GFI1B: variants seen among roughly 807,000 people sequenced by gnomAD.
GFI1B encodes the protein zinc finger protein Gfi-1b.
Under a neutral mutation model 35.3 loss-of-function variants are expected in GFI1B, and 20 were observed. That is an observed-to-expected ratio of 0.57 (90% CI 0.40 to 0.82). The LOEUF is 0.82. Ranked by LOEUF, GFI1B falls within the 40% of genes least tolerant of loss-of-function variation. GFI1B has a pLI of 0.00. For missense variants in GFI1B, 430 were observed against 446.3 expected, an observed-to-expected ratio of 0.96 and a Z score of 0.33; for synonymous variants, 178 against 177.6, an observed-to-expected ratio of 1.00 and a Z score of -0.02.
At chr9:132,983,251 T>A (rs1263642456) in intron 1 of GFI1B, among the ~76,000 whole-genome samples, 2 of 139,790 alleles carry the variant, frequency 1.4e-5, no homozygotes, top group Admixed American at 1.6e-4. Flanking sequence ...TGAAGTGCAG[T>A]GGTGGTGTGA....
At chr9:132,955,225 C>T (rs1251532322) in intron 1 of GFI1B, among the ~76,000 whole-genome samples, 2 of 151,642 alleles carry the variant, frequency 1.3e-5, no homozygotes, top group African/African-American at 4.9e-5. Flanking sequence ...AGTATTTTAC[C>T]CTCATTTTTT....
exon 1 of GFI1B, chr9:132,945,631 T>A (rs961815674): frequency 6.5e-6 from 1 of 154,162 alleles, no homozygotes; most frequent in Non-Finnish European, 1.5e-5. Context: ...GAAGTCGAAC[T>A]GTGGGATATG....
chr9:132,953,570 C>T (rs1848234350), intron 1 of GFI1B: 1 of 151,450 alleles, frequency 6.6e-6, no homozygotes, highest in African/African-American at 2.4e-5. Context: ...AGGAGGATTG[C>T]TTGAGCCCGG....
At chr9:132,962,883 C>CAACGTGG (rs1848388360) in intron 1 of GFI1B, among the ~76,000 whole-genome samples, 1 of 139,450 alleles carries the variant, frequency 7.2e-6, no homozygotes, top group Non-Finnish European at 1.5e-5. Flanking sequence ...CCAGCCTAGC[C>CAACGTGG]AACGTGGTGA....
At chr9:132,974,352 C>T (rs982687892), upstream of GFI1B, among the ~76,000 whole-genome samples, 12 of 151,910 alleles carry the variant, frequency 7.9e-5, no homozygotes, top group African/African-American at 2.9e-4. Flanking sequence ...AATCCCAGCA[C>T]TTTGGGAGGC....
chr9:132,968,303 G>C (rs1349417676), intron 1 of GFI1B, among the ~76,000 whole-genome samples: 1 of 150,924 alleles, frequency 6.6e-6, no homozygotes, highest in East Asian at 1.9e-4. Context: ...TTTTTTTTTA[G>C]TAGAGACGAG....
chr9:132,987,425 C>T lies in GFI1B; in HGVS notation c.238+6C>T. ...CAGGATGGCCCCGGCACCAGGTACC[C>T]CGCTGTGACCCACTGTCATTCCCCA... On this transcript the variant is annotated splice_donor_region_variant and intron_variant, in intron 3 of 6. Transcript: ENST00000372122. The T allele has an allele frequency of 6.2e-7, 1 of 1,614,188 alleles. No homozygotes were observed. Among genetic ancestry groups the T allele is most frequent in the Non-Finnish European group, 8.5e-7 (1 of 1,180,008 alleles).
downstream of GFI1B, among the ~76,000 whole-genome samples, chr9:132,993,371 A>G (rs1160539953): frequency 6.6e-6 from 1 of 152,122 alleles, no homozygotes; most frequent in Non-Finnish European, 1.5e-5. Flanking sequence ...CCTCTAGCAG[A>G]GCACAGAAAG....
At chr9:132,971,984 A>AG (rs71376676) in intron 1 of GFI1B, among the ~76,000 whole-genome samples, 25,930 of 148,466 alleles carry the variant, frequency 0.17, 2,706 homozygotes, top group Non-Finnish European at 0.22. Context: ...AAAAAAAAAA[A>AG]AAAAATTGGG....
intron 1 of GFI1B, among the ~76,000 whole-genome samples, chr9:132,966,133 A>T (rs1246182219): frequency 6.6e-6 from 1 of 152,222 alleles, no homozygotes; most frequent in Admixed American, 6.5e-5. Context: ...TCAAGGCAGG[A>T]GAACCGCTGG....
In GFI1B at chr9:132,986,615, G is replaced by C. The variant is rs118082075; in HGVS notation, c.-20-44G>C. ...AGGTTCTGAGATATGGAGGGGTATT[G>C]TTCTCTTGTCCTTCCTAACCGCTCC... On this transcript the variant is annotated intron_variant, in intron 1 of 6. Coordinates refer to ENST00000372122, the MANE Select transcript of GFI1B (RefSeq NM_001377304.1). 867 of 966,164 alleles carry C rather than the reference G, an allele frequency of 9.0e-4. 3 individuals carry two copies. Among genetic ancestry groups the C allele is most frequent in the Non-Finnish European group, 1.3e-3 (802 of 610,494 alleles). The allele number at this position is 966,164 out of a possible 1,614,324, so 59.8% of individuals were successfully genotyped here.
chr9:132,972,126 A>G (rs1223478094), intron 1 of GFI1B, among the ~76,000 whole-genome samples: 1 of 152,114 alleles, frequency 6.6e-6, no homozygotes, highest in Non-Finnish European at 1.5e-5. Context: ...TTTTTAAAAA[A>G]TAATTAGCCA....
At chr9:132,988,538 T>G in intron 4 of GFI1B, 70 bp downstream of exon 4, 1 of 1,392,294 alleles carries the variant, frequency 7.2e-7, no homozygotes, top group Non-Finnish European at 1.0e-6. Context: ...CACTGGCAGC[T>G]CTGGGCGTTC....
At chr9:132,947,412 C>CAAAAAAAAAAAAA (rs35035214) in intron 1 of GFI1B, among the ~76,000 whole-genome samples, 3 of 95,992 alleles carry the variant, frequency 3.1e-5, no homozygotes, top group African/African-American at 4.9e-5. Context: ...TTTAATCGAG[C>CAAAAAAAAAAAAA]AAAAAAAAAA....
At chr9:132,967,484 A>G (rs973495787) in intron 1 of GFI1B, among the ~76,000 whole-genome samples, 1 of 152,230 alleles carries the variant, frequency 6.6e-6, no homozygotes. Flanking sequence ...AGCTAAAGAC[A>G]TAATACACTC....
intron 3 of GFI1B, 56 bp downstream of exon 3, chr9:132,987,475 G>A: frequency 2.5e-6 from 4 of 1,604,656 alleles, no homozygotes; most frequent in Non-Finnish European, 3.4e-6. Flanking sequence ...GAGGAAGGAT[G>A]AAGGGACTCT....
At chr9:132,964,463 C>T (rs1374718956) in intron 1 of GFI1B, among the ~76,000 whole-genome samples, 1 of 152,090 alleles carries the variant, frequency 6.6e-6, no homozygotes, top group Non-Finnish European at 1.5e-5. Context: ...TGAAAATTGT[C>T]TGAATCAATT....
chr9:132,990,751 G>T (rs1286339548), intron 6 of GFI1B, 121 bp from the exon 7 acceptor site: 7 of 807,338 alleles, frequency 8.7e-6, no homozygotes, highest in Non-Finnish European at 1.5e-5. Flanking sequence ...ATGTGAGTTG[G>T]CCATGAGAGA....
rs755412589 is a variant in GFI1B, at chr9:132,989,789, G to A, written c.696G>A (p.Ser232=). ...CRMCGKAFKR[S]STLSTHLLIH... Reference sequence around the variant, plus strand: ...TGTGCGGCAAGGCCTTCAAGCGCTCGTCCACGCTGTCCACCCACCTGCTCA... The same window carrying A: ...TGTGCGGCAAGGCCTTCAAGCGCTCATCCACGCTGTCCACCCACCTGCTCA... Residue 232 remains serine, a synonymous_variant, in exon 6 of 7, where the codon TCG becomes TCA. Transcript: ENST00000372122. The surrounding 1 kb of genome is among the most constrained non-coding windows in gnomAD (Gnocchi z 6.2). The A allele has an allele frequency of 3.1e-6, 5 of 1,613,868 alleles. No individual in the cohort carries two copies. The highest frequency in any genetic ancestry group is 3.3e-5 in the Admixed American group (2 of 60,004).
Sources: gnomAD v4.1 joint callset for allele counts (sites outside exome capture counted in the v4.1 genomes callset) on GRCh38, gnomAD v4.1.1 for gene constraint, Gnocchi (gnomAD v3.1) non-coding constraint, MANE v1.5 for transcripts, NCBI Gene and HGNC (gene_info 2026-07-23, HGNC 2026-07-21) for gene names.